SGCD: variants seen among roughly 807,000 people sequenced by gnomAD.
SGCD encodes the protein delta-sarcoglycan.
In SGCD, 18 loss-of-function variants were observed where a neutral mutation model predicts 36.6. The ratio of observed to expected loss-of-function variants is 0.49; its 90% CI spans 0.34 to 0.73. SGCD has a LOEUF of 0.73. Among genes scored for constraint, SGCD ranks in the 30% least tolerant of loss-of-function variants. The pLI, the probability that SGCD is intolerant of heterozygous loss-of-function variation, is 0.01. For missense variants in SGCD, 387 were observed against 346.7 expected (o/e 1.12, Z -0.92); for synonymous variants, 133 against 130.6 (o/e 1.02, Z -0.12).
At chr5:156,247,227 C>G (rs1765460438) in intron 3 of SGCD, among the ~76,000 whole-genome samples, 1 of 152,126 alleles carries the variant, frequency 6.6e-6, no homozygotes, top group Admixed American at 6.6e-5. Context: ...AGGAAGGATT[C>G]TGCGGGGGCT....
At chr5:156,554,386 G>A (rs993192902) in intron 4 of SGCD, among the ~76,000 whole-genome samples, 2 of 150,994 alleles carry the variant, frequency 1.3e-5, no homozygotes, top group African/African-American at 4.9e-5. Flanking sequence ...TGAAAGAGGG[G>A]TACCATGTAT....
intron 3 of SGCD, among the ~76,000 whole-genome samples, chr5:156,437,019 A>AT (rs1023117706): frequency 1.1e-4 from 17 of 151,446 alleles, no homozygotes; most frequent in African/African-American, 3.6e-4. Context: ...TGTGTCCCAT[A>AT]TTTTTTTTTA....
chr5:156,550,326 C>A (rs894815818), intron 4 of SGCD, among the ~76,000 whole-genome samples: 2 of 152,172 alleles, frequency 1.3e-5, no homozygotes, highest in Admixed American at 6.6e-5. Context: ...AATGGACATT[C>A]TATAAGAAGG....
Position 156,437,876 on chromosome 5 carries a change from C to T in SGCD, c.193-70725C>T, listed in dbSNP as rs116370471. Among the ~76,000 whole-genome samples the T allele has an allele frequency of 2.8e-3, 426 of 152,276 alleles. 3 individuals are homozygous for T. The highest frequency in any genetic ancestry group is 9.6e-3 in the African/African-American group (398 of 41,572). ...TTGGAATTACCTCTGTGATTTATTA[C>T]AAGTGGATATTTGAATGAGCATTTC... On this transcript the variant is annotated intron_variant, in intron 3 of 8. Coordinates refer to ENST00000337851, the MANE Select transcript of SGCD (RefSeq NM_000337.6).
intron 3 of SGCD, among the ~76,000 whole-genome samples, chr5:156,181,444 A>G (rs756117038): frequency 1.6e-4 from 25 of 152,216 alleles, no homozygotes; most frequent in Non-Finnish European, 2.5e-4. Flanking sequence ...ATGTAAAGAG[A>G]GACTTTATTC....
intron 3 of SGCD, among the ~76,000 whole-genome samples, chr5:156,134,186 G>A (rs1762397964): frequency 6.6e-6 from 1 of 151,870 alleles, no homozygotes. Context: ...CTTTTCATGA[G>A]ACTTTTTCAA....
intron 3 of SGCD, among the ~76,000 whole-genome samples, chr5:156,290,248 T>G (rs540118232): frequency 3.3e-5 from 5 of 152,100 alleles, no homozygotes; most frequent in Non-Finnish European, 7.4e-5. Context: ...CCCAGGTATG[T>G]GGCTAGAAGT....
chr5:155,841,567 G>A, the SGCD span, among the ~76,000 whole-genome samples: 1 of 151,936 alleles, frequency 6.6e-6, no homozygotes, highest in African/African-American at 2.4e-5. Flanking sequence ...CATTTTGGGG[G>A]GGTTGGTGGT....
At chr5:156,198,287 C>T (rs1208227773) in intron 3 of SGCD, among the ~76,000 whole-genome samples, 1 of 151,976 alleles carries the variant, frequency 6.6e-6, no homozygotes, top group African/African-American at 2.4e-5. Context: ...AAAACTTGGC[C>T]TTGCAAATAT....
At chr5:156,299,652 T>C (rs1766999073) in intron 3 of SGCD, among the ~76,000 whole-genome samples, 1 of 152,132 alleles carries the variant, frequency 6.6e-6, no homozygotes, top group African/African-American at 2.4e-5. Flanking sequence ...GATCTTTCAC[T>C]TTTTTGGTTC....
At chr5:155,751,941 A>G in the SGCD span, among the ~76,000 whole-genome samples, 5 of 152,274 alleles carry the variant, frequency 3.3e-5, no homozygotes, top group Admixed American at 1.3e-4. Flanking sequence ...GACAAACCAC[A>G]TGACTTCTCT....
rs1293691392 is a variant in SGCD at position 156,288,794 on chromosome 5, A to G, written c.-43-40740A>G. On this transcript the variant is annotated intron_variant, in intron 3 of 9. Coordinates refer to the SGCD transcript ENST00000517913. ...TTTGTGTTTTGATTCTAACTGTAAG[A>G]ATGTTACTGCCTGATTAAGTCCGTA... is the stretch of plus-strand genomic sequence containing the variant. Among the ~76,000 whole-genome samples, 3 of 152,106 alleles carry G rather than the reference A, an allele frequency of 2.0e-5. No homozygotes were observed. In the South Asian group the frequency reaches 6.2e-4, roughly 32 times the overall value.
intron 1 of SGCD, among the ~76,000 whole-genome samples, chr5:156,042,451 G>C (rs1029718158): frequency 2.0e-5 from 3 of 152,180 alleles, no homozygotes; most frequent in Admixed American, 1.3e-4. Context: ...TGCCCAGATA[G>C]AGCCAATTTA....
intron 3 of SGCD, among the ~76,000 whole-genome samples, chr5:156,283,880 G>C (rs1405377999): frequency 3.9e-5 from 6 of 152,164 alleles, no homozygotes; most frequent in Non-Finnish European, 7.4e-5. Flanking sequence ...AGGAGAGTTA[G>C]AGGTAGAGTG....
intron 3 of SGCD, among the ~76,000 whole-genome samples, chr5:156,347,594 A>G (rs1353157629): frequency 6.6e-6 from 1 of 152,186 alleles, no homozygotes; most frequent in Non-Finnish European, 1.5e-5. Context: ...CTTGGCTAGT[A>G]CTCATGTATA....
chr5:156,305,440 A>G (rs1424951984), intron 3 of SGCD, among the ~76,000 whole-genome samples: 1 of 152,190 alleles, frequency 6.6e-6, no homozygotes, highest in Non-Finnish European at 1.5e-5. Flanking sequence ...ACAGAAGTCA[A>G]TAATTGAGGT....
At chr5:156,267,479 A>C (rs919457438) in intron 3 of SGCD, among the ~76,000 whole-genome samples, 7 of 152,206 alleles carry the variant, frequency 4.6e-5, no homozygotes, top group African/African-American at 9.7e-5. Context: ...TGTGCTTGAT[A>C]ATTCTGACCT....
chr5:156,542,298 T>C (rs1459374167), intron 4 of SGCD, among the ~76,000 whole-genome samples: 1 of 152,184 alleles, frequency 6.6e-6, no homozygotes, highest in Non-Finnish European at 1.5e-5. Context: ...ATTTTCCAGA[T>C]TTATAAAACC....
chr5:156,684,276 A>C (rs1254253881), intron 7 of SGCD, among the ~76,000 whole-genome samples: 1 of 152,118 alleles, frequency 6.6e-6, no homozygotes, highest in Admixed American at 6.6e-5. Context: ...GAAGATGATG[A>C]AGTGAGGATG....
Sources: allele counts gnomAD v4.1 joint callset (sites outside exome capture counted in the v4.1 genomes callset), GRCh38; gene constraint gnomAD v4.1.1; transcripts MANE v1.5; gene names NCBI Gene and HGNC (gene_info 2026-07-23, HGNC 2026-07-21).